The following NRG1 variants were observed in gnomAD, a reference collection of about 807,000 sequenced individuals.
NRG1 encodes pro-neuregulin-1, membrane-bound isoform.
Under a neutral mutation model 63.8 loss-of-function variants are expected in NRG1, and 18 were observed. The ratio of observed to expected loss-of-function variants is 0.28; its 90% CI spans 0.19 to 0.42. The LOEUF (loss-of-function observed/expected upper bound fraction) is 0.42, where lower values mean the gene tolerates loss of function less well. Ranked by LOEUF, NRG1 falls within the 10% of genes least tolerant of loss-of-function variation. The pLI, the probability that NRG1 is intolerant of heterozygous loss-of-function variation, is 1.00. For missense variants in NRG1, 762 were observed against 814.7 expected, an observed-to-expected ratio of 0.94 and a Z score of 0.79; for synonymous variants, 302 against 301.3, an observed-to-expected ratio of 1.00 and a Z score of -0.02.
chr8:32,607,924 G>A (rs1430944747), intron 3 of NRG1, among the ~76,000 whole-genome samples: 1 of 152,004 alleles, frequency 6.6e-6, no homozygotes, highest in Admixed American at 6.6e-5. Context: ...CAATTGCAAT[G>A]CAAGTTGGCC....
chr8:32,223,296 T>C (rs779427906), intron 1 of NRG1, among the ~76,000 whole-genome samples: 2 of 152,234 alleles, frequency 1.3e-5, no homozygotes, highest in African/African-American at 4.8e-5. Context: ...TTGTATTTTA[T>C]TGGTATAAAA....
At chr8:32,486,862 C>G (rs28643302) in intron 1 of NRG1, among the ~76,000 whole-genome samples, 6,561 of 151,942 alleles carry the variant, frequency 0.043, 489 homozygotes, top group African/African-American at 0.15. Context: ...TGACCTCAAG[C>G]AATTCACTTG....
chr8:32,205,212 GT>G (rs572036496), intron 1 of NRG1, among the ~76,000 whole-genome samples: 1 of 151,984 alleles, frequency 6.6e-6, no homozygotes, highest in Non-Finnish European at 1.5e-5. Flanking sequence ...ATTTGGATGG[GT>G]TTTTTTATAT....
intron 1 of NRG1, among the ~76,000 whole-genome samples, chr8:32,040,253 T>C (rs1256526591): frequency 6.6e-6 from 1 of 152,218 alleles, no homozygotes; most frequent in Non-Finnish European, 1.5e-5. Context: ...TAGATCCTAG[T>C]TGATTACCTG....
At chr8:32,238,390 G>C (rs1480667044) in intron 1 of NRG1, among the ~76,000 whole-genome samples, 1 of 150,118 alleles carries the variant, frequency 6.7e-6, no homozygotes, top group Non-Finnish European at 1.5e-5. Flanking sequence ...ACATGGCGGA[G>C]ATTGCAGTGA....
intron 1 of NRG1, among the ~76,000 whole-genome samples, chr8:32,039,181 A>T (rs1819537238): frequency 6.6e-6 from 1 of 152,216 alleles, no homozygotes; most frequent in African/African-American, 2.4e-5. Flanking sequence ...TGTTAATAAT[A>T]ATCCACAGGC....
chr8:32,599,345 C>A (rs1331734382), intron 2 of NRG1, among the ~76,000 whole-genome samples: 6 of 152,034 alleles, frequency 3.9e-5, no homozygotes, highest in Admixed American at 3.3e-4. Context: ...TTGACTCTTT[C>A]CCAATCCTTA....
intron 1 of NRG1, among the ~76,000 whole-genome samples, chr8:32,179,960 G>A (rs556989022): frequency 1.3e-4 from 20 of 151,810 alleles, no homozygotes; most frequent in South Asian, 1.2e-3. Context: ...TACAAACCCC[G>A]CACAAATCAG....
At chr8:31,765,608 A>G (rs1817980937) in intron 1 of NRG1, among the ~76,000 whole-genome samples, 1 of 152,084 alleles carries the variant, frequency 6.6e-6, no homozygotes, top group Non-Finnish European at 1.5e-5. Context: ...ACTCTTCTGC[A>G]CTCTAGCTGC....
intron 1 of NRG1, among the ~76,000 whole-genome samples, chr8:31,856,818 T>C (rs1827927611): frequency 6.6e-6 from 1 of 152,220 alleles, no homozygotes; most frequent in Admixed American, 6.5e-5. Flanking sequence ...TGTTTGTTAG[T>C]TTTCCTTCTA....
chr8:32,610,063 CT>C (rs1846107852), intron 3 of NRG1, among the ~76,000 whole-genome samples: 1 of 151,936 alleles, frequency 6.6e-6, no homozygotes, highest in African/African-American at 2.4e-5. Flanking sequence ...TAGAACTCCC[CT>C]TGAGATTTTA....
intron 1 of NRG1, among the ~76,000 whole-genome samples, chr8:32,514,969 CTG>C (rs1829662398): frequency 6.6e-6 from 1 of 152,086 alleles, no homozygotes; most frequent in Non-Finnish European, 1.5e-5. Flanking sequence ...TTTTTTATGA[CTG>C]TGTAGTATTC....
At chr8:32,504,781 T>C (rs1233019661) in intron 1 of NRG1, among the ~76,000 whole-genome samples, 1 of 152,152 alleles carries the variant, frequency 6.6e-6, no homozygotes, top group Non-Finnish European at 1.5e-5. Context: ...TCAATGAGGG[T>C]TAAGGCTTTT....
chr8:32,585,676 C>T (rs1346688295), intron 1 of NRG1, among the ~76,000 whole-genome samples: 3 of 143,064 alleles, frequency 2.1e-5, no homozygotes, highest in Non-Finnish European at 4.7e-5. Flanking sequence ...TAACACCAAT[C>T]GCAAGTATTG....
intron 3 of NRG1, among the ~76,000 whole-genome samples, chr8:32,611,396 G>C (rs1210726227): frequency 6.6e-6 from 1 of 151,992 alleles, no homozygotes; most frequent in African/African-American, 2.4e-5. Flanking sequence ...ACAATATTGG[G>C]AAACAACCTG....
At chr8:32,640,463 C>T (rs754462086) in intron 5 of NRG1, among the ~76,000 whole-genome samples, 9 of 151,980 alleles carry the variant, frequency 5.9e-5, no homozygotes, top group South Asian at 2.1e-4. Flanking sequence ...TAGCAGTGGA[C>T]GCAGACACAA....
At chr8:32,612,420 G>C (rs1846522046) in intron 3 of NRG1, among the ~76,000 whole-genome samples, 2 of 151,890 alleles carry the variant, frequency 1.3e-5, no homozygotes, top group Admixed American at 1.3e-4. Context: ...GTTAACTTTT[G>C]AGCTTGTATT....
chr8:32,770,916 G>A (rs1436006423), downstream of NRG1, among the ~76,000 whole-genome samples: 1 of 152,086 alleles, frequency 6.6e-6, no homozygotes, highest in Non-Finnish European at 1.5e-5. Flanking sequence ...TTAAGTTTTG[G>A]AATCTAGGTT....
chr8:32,754,523 C>G, intron 8 of NRG1, 49 bp downstream of exon 8: 1 of 1,540,386 alleles, frequency 6.5e-7, no homozygotes, highest in Non-Finnish European at 8.9e-7. Flanking sequence ...GCAGAGACAG[C>G]TTAGATGGCC....
Sources: allele counts gnomAD v4.1 joint callset (sites outside exome capture counted in the v4.1 genomes callset), GRCh38; gene constraint gnomAD v4.1.1; transcripts MANE v1.5; gene names NCBI Gene and HGNC (gene_info 2026-07-23, HGNC 2026-07-21).